ADAP1: variants seen among roughly 807,000 people sequenced by gnomAD.
ADAP1 encodes ArfGAP with dual PH domains 1, also known as arf-GAP with dual PH domain-containing protein 1.
Under a neutral mutation model 54.9 loss-of-function variants are expected in ADAP1, and 31 were observed. The ratio of observed to expected loss-of-function variants is 0.56; its 90% CI spans 0.42 to 0.76. The LOEUF (loss-of-function observed/expected upper bound fraction) is 0.76, where lower values mean the gene tolerates loss of function less well. ADAP1 is among the 30% of genes least tolerant of loss of function. ADAP1 has a pLI of 0.00. For synonymous variants in ADAP1, 313 were observed against 202.6 expected (o/e 1.55, Z -4.63); for missense variants, 535 against 512.4 (o/e 1.04, Z -0.42).
intron 4 of ADAP1, among the ~76,000 whole-genome samples, chr7:915,619 C>T (rs969706424): frequency 1.3e-5 from 2 of 152,194 alleles, no homozygotes; most frequent in African/African-American, 2.4e-5. Flanking sequence ...GAGGCTTTAG[C>T]TCATCTCAAA....
In ADAP1 at chr7:926,663, C is replaced by G. The variant is rs374067245; in HGVS notation, c.214-19G>C. 6.5e-7 allele frequency: 1 copy of G among 1,533,786 alleles called. No individual in the cohort carries two copies. Among genetic ancestry groups the G allele is most frequent in the Non-Finnish European group, 8.8e-7 (1 of 1,139,532 alleles). ...CCATGAACTGCAAGAGAGGAGGGGC[C>G]GGGTCAGAGGCCTGGGGTCCCAGGG... is the stretch of plus-strand genomic sequence containing the variant. On this transcript the variant is annotated intron_variant, in intron 2 of 10. Coordinates refer to ENST00000265846, the MANE Select transcript of ADAP1 (RefSeq NM_006869.4). The surrounding 1 kb of genome is among the most constrained non-coding windows in gnomAD (Gnocchi z 4.6).
chr7:929,247 G>A (rs558445473), intron 2 of ADAP1, among the ~76,000 whole-genome samples: 21 of 150,946 alleles, frequency 1.4e-4, no homozygotes, highest in South Asian at 8.4e-4. Context: ...AGCAGAGATC[G>A]TGCCACAGCA....
intron 6 of ADAP1, chr7:901,091 C>G (rs1844787409): frequency 2.8e-5 from 13 of 464,892 alleles, no homozygotes; most frequent in South Asian, 1.9e-4. Flanking sequence ...AGCTGTGGCC[C>G]CTACCGAGAG....
rs78775288 is a variant in ADAP1, at chr7:905,078, C to G, written c.483G>C (p.Lys161Asn). The G allele has an allele frequency of 8.7e-6, 14 of 1,611,746 alleles. No homozygotes were observed. The highest frequency in any genetic ancestry group is 1.2e-5 in the Non-Finnish European group (14 of 1,179,880). ...GACTCACATCATTTCTGTTGAAATA[C>G]TTCAGAGCACCCTCTCGTTCTGTCA... ...FVLTEREGAL[K>N]YFNRNDAKEP... Residue 161 changes from lysine to asparagine, a missense_variant, in exon 5 of 11, where the codon AAG becomes AAC. Lys to Asn is a moderately conservative substitution (Grantham distance 94). Coordinates refer to ENST00000265846, the MANE Select transcript of ADAP1 (RefSeq NM_006869.4).
At chr7:930,655 T>C (rs200364801) in intron 2 of ADAP1, among the ~76,000 whole-genome samples, 2 of 151,346 alleles carry the variant, frequency 1.3e-5, no homozygotes, top group South Asian at 4.2e-4. Context: ...CCCGTCTCTA[T>C]TAAAAATACA....
chr7:907,346 G>A (rs1845512628), intron 4 of ADAP1, among the ~76,000 whole-genome samples: 1 of 152,128 alleles, frequency 6.6e-6, no homozygotes, highest in Non-Finnish European at 1.5e-5. Context: ...AGGGGACGTG[G>A]CCGTGGAAAC....
At chr7:904,676 A>G (rs1441055896) in intron 5 of ADAP1, among the ~76,000 whole-genome samples, 3 of 152,142 alleles carry the variant, frequency 2.0e-5, no homozygotes, top group African/African-American at 4.8e-5. Context: ...TGAAGACCCC[A>G]CTGTTCTTGC....
Position 945,269 on chromosome 7 carries a change from G to A in ADAP1, c.82+9127C>T, listed in dbSNP as rs1318213649. Among the ~76,000 whole-genome samples the A allele has an allele frequency of 6.6e-6, 1 of 152,232 alleles. No homozygotes were observed. Among genetic ancestry groups the A allele is most frequent in the African/African-American group, 2.4e-5 (1 of 41,460 alleles). On this transcript the variant is annotated intron_variant, in intron 1 of 10. Transcript: ENST00000265846. The surrounding 1 kb of genome is among the most constrained non-coding windows in gnomAD (Gnocchi z 4.2). ...TGCCCGCAGCCCATCGGAGCGAAAA[G>A]GGGCGGGGCACGCACTCTCAGAGAC...
chr7:900,452 A>C, intron 7 of ADAP1, 81 bp downstream of exon 7: 7 of 1,429,140 alleles, frequency 4.9e-6, no homozygotes, highest in Non-Finnish European at 6.7e-6. Context: ...ATCATCCCAG[A>C]CTCAGGGCAC....
At chr7:919,205 C>T (rs960839157) in intron 4 of ADAP1, among the ~76,000 whole-genome samples, 1 of 152,218 alleles carries the variant, frequency 6.6e-6, no homozygotes, top group African/African-American at 2.4e-5. Flanking sequence ...ACCCTCCCCA[C>T]CTGCAGCACA....
At chr7:922,234 A>G (rs1440425929) in intron 3 of ADAP1, among the ~76,000 whole-genome samples, 1 of 152,080 alleles carries the variant, frequency 6.6e-6, no homozygotes, top group Non-Finnish European at 1.5e-5. Flanking sequence ...CTCCAGCCAC[A>G]CCTCAGCCCA....
intron 2 of ADAP1, among the ~76,000 whole-genome samples, chr7:932,630 G>A (rs956796680): frequency 3.3e-5 from 5 of 152,188 alleles, no homozygotes; most frequent in East Asian, 1.9e-4. Flanking sequence ...GGAAGGAAAC[G>A]GAGGCTCAGA....
Position 900,661 on chromosome 7 carries a change from C to CACTGGGGTCCCCACAGAGGG in ADAP1, c.649-46_649-45insCCCTCTGTGGGGACCCCAGT, listed in dbSNP as rs1554270320. The CACTGGGGTCCCCACAGAGGG allele has an allele frequency of 1.1e-4, 163 of 1,443,826 alleles. 2 individuals are homozygous for CACTGGGGTCCCCACAGAGGG. The African/African-American group carries it at 2.1e-3, about 19-fold the overall frequency. The allele number at this position is 1,443,826 out of a possible 1,614,324, so 89.4% of individuals were successfully genotyped here. ...CAGGCTTGGGCTGAGGAGGCTGCAG[C>CACTGGGGTCCCCACAGAGGG]GCTGGGGTCCCCACAGAGGGGCTGG... On this transcript the variant is annotated intron_variant, in intron 6 of 10. Transcript: ENST00000265846.
chr7:930,678 GCA>G (rs1169966748), intron 2 of ADAP1, among the ~76,000 whole-genome samples: 2 of 152,004 alleles, frequency 1.3e-5, no homozygotes, highest in East Asian at 3.9e-4. Flanking sequence ...AATTAGCTGG[GCA>G]TGGTGGCACA....
rs1051870375 is a variant in ADAP1, at chr7:926,158, C to A, written c.305+395G>T. ...GTCTCAGGCTTCCCCAACCGGCCACCGGTACCCACGTCCGCTCCCGCCCTG... is the reference window on the plus strand; with the variant it reads ...GTCTCAGGCTTCCCCAACCGGCCACAGGTACCCACGTCCGCTCCCGCCCTG... On this transcript the variant is annotated intron_variant, in intron 3 of 10. Coordinates refer to ENST00000265846, the MANE Select transcript of ADAP1 (RefSeq NM_006869.4). The surrounding 1 kb of genome is among the most constrained non-coding windows in gnomAD (Gnocchi z 4.6). 1.3e-5 allele frequency among the ~76,000 whole-genome samples: 2 copies of A among 151,988 alleles called. No homozygotes were observed. The highest frequency in any genetic ancestry group is 2.9e-5 in the Non-Finnish European group (2 of 67,952).
chr7:908,947 G>C (rs1201975433), intron 4 of ADAP1, among the ~76,000 whole-genome samples: 1 of 152,204 alleles, frequency 6.6e-6, no homozygotes, highest in Non-Finnish European at 1.5e-5. Context: ...CCCTTCCAGC[G>C]ACCGGGCTCC....
intron 4 of ADAP1, among the ~76,000 whole-genome samples, chr7:906,752 AC>A (rs1845451712): frequency 6.3e-5 from 1 of 15,956 alleles, no homozygotes; most frequent in African/African-American, 2.6e-4. Context: ...TACATAGGGG[AC>A]ATGGACAGGG....
intron 1 of ADAP1, among the ~76,000 whole-genome samples, chr7:951,230 G>A (rs967125305): frequency 2.3e-4 from 35 of 152,134 alleles, no homozygotes; most frequent in African/African-American, 4.1e-4. Flanking sequence ...AAAATTAGCC[G>A]GGCGTGGTGG....
At chr7:944,998 G>A (rs1474252387) in intron 1 of ADAP1, among the ~76,000 whole-genome samples, 3 of 152,146 alleles carry the variant, frequency 2.0e-5, no homozygotes, top group African/African-American at 7.2e-5. Context: ...TGAAATAGAA[G>A]GTGGCCTTCT....
Sources: allele counts gnomAD v4.1 joint callset (sites outside exome capture counted in the v4.1 genomes callset), GRCh38; gene constraint gnomAD v4.1.1; non-coding constraint Gnocchi (gnomAD v3.1); transcripts MANE v1.5; gene names NCBI Gene and HGNC (gene_info 2026-07-23, HGNC 2026-07-21).